Variants in CLMN observed in about 807,000 individuals in gnomAD.
CLMN encodes calmin.
In CLMN, 57 loss-of-function variants were observed where a neutral mutation model predicts 92.7. The ratio of observed to expected loss-of-function variants is 0.61; its 90% CI spans 0.50 to 0.77. CLMN has a LOEUF of 0.77. Among genes scored for constraint, CLMN ranks in the 30% least tolerant of loss-of-function variants. CLMN has a pLI of 0.00. For synonymous variants in CLMN, 466 were observed against 470.6 expected (o/e 0.99, Z 0.13); for missense variants, 1,158 against 1,237.5 (o/e 0.94, Z 0.96).
intron 7 of CLMN, among the ~76,000 whole-genome samples, chr14:95,210,376 CTA>C (rs1897162898): frequency 6.6e-6 from 1 of 151,940 alleles, no homozygotes; most frequent in Non-Finnish European, 1.5e-5. Context: ...AGTATGCCCA[CTA>C]GATGAATTAT....
chr14:95,228,134 T>C lies in CLMN; in HGVS notation c.144+1938A>G, dbSNP rs141456333. ...TGCGGGTATATTCACCACGTGACCC[T>C]CTGTACTTTTCTGTATTTATTTATT... On this transcript the variant is annotated intron_variant, in intron 2 of 12. Coordinates refer to ENST00000298912, the MANE Select transcript of CLMN (RefSeq NM_024734.4). 3.4e-3 allele frequency among the ~76,000 whole-genome samples: 525 copies of C among 152,306 alleles called. 3 individuals are homozygous for C. Among genetic ancestry groups the C allele is most frequent in the Middle Eastern group, 0.02 (6 of 294 alleles).
chr14:95,264,040 ATTT>A (rs1459484815), intron 1 of CLMN, among the ~76,000 whole-genome samples: 12 of 138,860 alleles, frequency 8.6e-5, no homozygotes, highest in Non-Finnish European at 1.7e-4. Context: ...TTATTTATTT[ATTT>A]ATTTATTTAT....
At chr14:95,304,287 G>A in intron 1 of CLMN, among the ~76,000 whole-genome samples, 1 of 152,038 alleles carries the variant, frequency 6.6e-6, no homozygotes. Context: ...AGTTTGCCAT[G>A]ATGGTGCCAC....
intron 1 of CLMN, among the ~76,000 whole-genome samples, chr14:95,239,321 A>C (rs908665222): frequency 2.6e-5 from 4 of 152,206 alleles, no homozygotes; most frequent in Non-Finnish European, 5.9e-5. Context: ...GAAGGAATGA[A>C]CGCAGGGAAG....
chr14:95,269,614 C>A lies in CLMN; in HGVS notation c.83-39481G>T, dbSNP rs751990262. Among the ~76,000 whole-genome samples, 11 of 152,186 alleles carry A rather than the reference C, an allele frequency of 7.2e-5. No individual in the cohort carries two copies. The South Asian group carries it at 1.4e-3, about 20-fold the overall frequency. ...TTGACAGTAATTGACACCTTGGTTG[C>A]GGCCCATAGGCTCTGCCAACCTGAA... is the stretch of plus-strand genomic sequence containing the variant. On this transcript the variant is annotated intron_variant, in intron 1 of 12. Coordinates refer to ENST00000298912, the MANE Select transcript of CLMN (RefSeq NM_024734.4).
chr14:95,204,507 A>C (rs1482324175), intron 8 of CLMN, 44 bp from the exon 9 acceptor site: 1 of 1,489,128 alleles, frequency 6.7e-7, no homozygotes, highest in African/African-American at 1.4e-5. Context: ...AAAACAAAAG[A>C]ACAACAACAA....
In CLMN at chr14:95,216,926, T is replaced by C. The variant is rs138123768; in HGVS notation, c.325-1193A>G. On this transcript the variant is annotated intron_variant, in intron 4 of 12. Coordinates refer to ENST00000298912, the MANE Select transcript of CLMN (RefSeq NM_024734.4). ...GCCCAGAAATCTGTATTTTAGTAAG[T>C]GCGCCAGGTGATTCCAGTGCATGCT... 4.6e-3 allele frequency among the ~76,000 whole-genome samples: 697 copies of C among 152,286 alleles called. 4 individuals carry two copies. The highest frequency in any genetic ancestry group is 0.016 in the African/African-American group (675 of 41,556).
intron 1 of CLMN, among the ~76,000 whole-genome samples, chr14:95,245,253 T>C (rs796793476): frequency 6.7e-5 from 2 of 29,882 alleles, no homozygotes; most frequent in South Asian, 8.9e-4. Context: ...TATATATATA[T>C]AATATATATA....
intron 1 of CLMN, among the ~76,000 whole-genome samples, chr14:95,234,773 C>A (rs1030806519): frequency 6.6e-6 from 1 of 152,226 alleles, no homozygotes; most frequent in African/African-American, 2.4e-5. Context: ...AAGAACAGAT[C>A]ACTTGAAAAT....
chr14:95,279,676 G>C (rs1397431201), intron 1 of CLMN, among the ~76,000 whole-genome samples: 1 of 152,214 alleles, frequency 6.6e-6, no homozygotes, highest in East Asian at 1.9e-4. Context: ...CCAGCTCCTC[G>C]GGAGGATGAG....
chr14:95,233,045 C>T (rs1006014719), intron 1 of CLMN, among the ~76,000 whole-genome samples: 11 of 152,210 alleles, frequency 7.2e-5, no homozygotes, highest in African/African-American at 2.7e-4. Context: ...CCAAATTGCC[C>T]TCCCACAAGG....
At chr14:95,280,647 A>T (rs897076416) in intron 1 of CLMN, among the ~76,000 whole-genome samples, 1 of 152,200 alleles carries the variant, frequency 6.6e-6, no homozygotes, top group Non-Finnish European at 1.5e-5. Flanking sequence ...ATCCTTTTAG[A>T]TATTAGATTC....
chr14:95,310,855 G>A (rs368510993), intron 1 of CLMN, among the ~76,000 whole-genome samples: 86 of 152,372 alleles, frequency 5.6e-4, no homozygotes, highest in African/African-American at 1.9e-3. Flanking sequence ...AGACACCTGG[G>A]TGCAGCTGTG....
chr14:95,203,769 G>A lies in CLMN; in HGVS notation c.1580C>T (p.Pro527Leu), dbSNP rs940067360. ...GGCCATCACAGTATTTTCTCCTGGG[G>A]GTGAAAGAGAGTGACTTTCTTCATC... The part of the protein sequence containing the change: ...RHDEESHSLS[P>L]PGENTVMADS... Residue 527 changes from proline (P) to leucine (L), a missense_variant, in exon 9 of 13, where the codon CCC becomes CTC. By Grantham distance (98) the Pro-to-Leu change is moderately conservative (BLOSUM62 -3). Coordinates refer to ENST00000298912, the MANE Select transcript of CLMN (RefSeq NM_024734.4). 6.8e-6 allele frequency: 11 copies of A among 1,614,010 alleles called. No homozygotes were observed. In the African/African-American group the frequency reaches 1.2e-4, roughly 18 times the overall value.
chr14:95,191,026 T>G lies in CLMN; in HGVS notation c.*538A>C, dbSNP rs112773983. On this transcript the variant is annotated 3_prime_UTR_variant, in exon 13 of 13. Transcript: ENST00000298912. The surrounding 1 kb of genome is among the most constrained non-coding windows in gnomAD (Gnocchi z 5.3). ...CTTACACAGAGCTGGCTGCTCGGAT[T>G]TCCCCTAGTGAATGCAACCAGTTAC... is the stretch of plus-strand genomic sequence containing the variant. 6.6e-6 allele frequency: 1 copy of G among 152,346 alleles called. No homozygotes were observed. The highest frequency in any genetic ancestry group is 1.5e-5 in the Non-Finnish European group (1 of 68,134). The allele number at this position is 152,346 out of a possible 1,614,324, so 9.4% of individuals were successfully genotyped here.
At chr14:95,254,519 A>G (rs1327285157) in intron 1 of CLMN, among the ~76,000 whole-genome samples, 1 of 152,100 alleles carries the variant, frequency 6.6e-6, no homozygotes, top group African/African-American at 2.4e-5. Flanking sequence ...CCTCGTGCAC[A>G]CACACTTGGA....
chr14:95,193,444 G>A (rs543622744), intron 12 of CLMN: 65 of 1,395,162 alleles, frequency 4.7e-5, no homozygotes, highest in Admixed American at 4.6e-4. Context: ...ATGGACAGGC[G>A]TCAGGGGCTA....
At chr14:95,209,294 C>T (rs1019906133) in intron 8 of CLMN, 101 bp downstream of exon 8, 13 of 1,032,430 alleles carry the variant, frequency 1.3e-5, no homozygotes, top group Non-Finnish European at 1.8e-5. Flanking sequence ...ATTTTGACTG[C>T]TAGTTACACA....
intron 1 of CLMN, among the ~76,000 whole-genome samples, chr14:95,303,629 C>T (rs909860375): frequency 6.6e-6 from 1 of 152,200 alleles, no homozygotes; most frequent in Non-Finnish European, 1.5e-5. Flanking sequence ...GCAATGCCCC[C>T]GATTTCTCCT....
Sources: allele counts gnomAD v4.1 joint callset (sites outside exome capture counted in the v4.1 genomes callset), GRCh38; gene constraint gnomAD v4.1.1; non-coding constraint Gnocchi (gnomAD v3.1); transcripts MANE v1.5; gene names NCBI Gene and HGNC (gene_info 2026-07-23, HGNC 2026-07-21).